Variants in KLF8 observed in about 807,000 individuals in gnomAD.
The protein encoded by KLF8 is Krueppel-like factor 8.
KLF8 carries 10 observed loss-of-function variants against 18.2 expected under a neutral mutation model. That is an observed-to-expected ratio of 0.55 (90% CI 0.34 to 0.93). The LOEUF (loss-of-function observed/expected upper bound fraction) is 0.93, where lower values mean the gene tolerates loss of function less well. Ranked by LOEUF, KLF8 falls within the 40% of genes least tolerant of loss-of-function variation. The probability of loss-of-function intolerance (pLI) is 0.02; values close to 1 mark genes in which losing one functional copy is unlikely to be tolerated. For missense variants in KLF8, 264 were observed against 277.9 expected (o/e 0.95, Z 0.36); for synonymous variants, 109 against 97.3 (o/e 1.12, Z -0.71).
At chrX:55,944,746 G>C in the KLF8 span, among the ~76,000 whole-genome samples, 1 of 110,800 alleles carries the variant, frequency 9.0e-6, no homozygotes, top group South Asian at 3.8e-4. Flanking sequence ...TCTTGCTAGT[G>C]GTCTATCAAT....
intron 1 of KLF8, among the ~76,000 whole-genome samples, chrX:56,243,805 A>ACTGTTATCC: frequency 9.0e-6 from 1 of 110,690 alleles, no homozygotes; most frequent in Admixed American, 9.7e-5. Context: ...AAGTGCTAGG[A>ACTGTTATCC]TAACAGGCAT....
chrX:56,251,076 T>A (rs1348061042), intron 2 of KLF8, among the ~76,000 whole-genome samples: 1 of 112,864 alleles, frequency 8.9e-6, no homozygotes, highest in African/African-American at 3.2e-5. Context: ...ATCTGGGCAC[T>A]GTAGCCCAGC....
the KLF8 span, among the ~76,000 whole-genome samples, chrX:55,968,941 C>G: frequency 9.0e-6 from 1 of 111,640 alleles, no homozygotes; most frequent in Non-Finnish European, 1.9e-5. Flanking sequence ...AACACTGTTG[C>G]AATCAGCTAT....
chrX:56,124,504 A>G, the KLF8 span, among the ~76,000 whole-genome samples: 1 of 112,207 alleles, frequency 8.9e-6, no homozygotes. Flanking sequence ...TCAATTTCTG[A>G]TGCCATATAA....
the KLF8 span, among the ~76,000 whole-genome samples, chrX:56,151,465 G>A: frequency 9.0e-6 from 1 of 111,384 alleles, no homozygotes; most frequent in Non-Finnish European, 1.9e-5. Context: ...GGTATAGAAA[G>A]TAAAACTGAC....
the KLF8 span, among the ~76,000 whole-genome samples, chrX:56,086,890 G>A: frequency 9.0e-6 from 1 of 111,517 alleles, no homozygotes; most frequent in East Asian, 2.8e-4. Context: ...GAGCATTCTA[G>A]AATTCAGTGT....
At chrX:56,128,462 A>G in the KLF8 span, among the ~76,000 whole-genome samples, 2 of 111,718 alleles carry the variant, frequency 1.8e-5, no homozygotes, top group African/African-American at 3.3e-5. Context: ...TGGCAGAAAA[A>G]TCTATTACTT....
At chrX:56,014,684 GCAT>G in the KLF8 span, among the ~76,000 whole-genome samples, 2 of 111,173 alleles carry the variant, frequency 1.8e-5, no homozygotes. Context: ...ACGCATATGT[GCAT>G]TGCAGCACTA....
chrX:56,175,322 A>G, the KLF8 span, among the ~76,000 whole-genome samples: 6 of 112,064 alleles, frequency 5.4e-5, no homozygotes, highest in African/African-American at 1.9e-4. Context: ...GTTTCAAAGA[A>G]CATCTTTATT....
chrX:56,049,896 C>T, the KLF8 span, among the ~76,000 whole-genome samples: 1 of 107,536 alleles, frequency 9.3e-6, no homozygotes, highest in African/African-American at 3.4e-5. Flanking sequence ...CCATCTGGTC[C>T]TGGACTCTTT....
At chrX:56,204,977 T>A in the KLF8 span, among the ~76,000 whole-genome samples, 20 of 111,065 alleles carry the variant, frequency 1.8e-4, no homozygotes, top group African/African-American at 5.9e-4. Context: ...TTTTAGAAGC[T>A]GGGCAGAGAA....
the KLF8 span, among the ~76,000 whole-genome samples, chrX:56,046,132 A>G: frequency 1.8e-5 from 2 of 111,647 alleles, no homozygotes; most frequent in Non-Finnish European, 3.8e-5. Flanking sequence ...ACTTCTGTTT[A>G]TGTGGTGTAT....
At chrX:56,092,457 A>G in the KLF8 span, among the ~76,000 whole-genome samples, 1 of 110,786 alleles carries the variant, frequency 9.0e-6, no homozygotes, top group Non-Finnish European at 1.9e-5. Flanking sequence ...CTTTGGGTTG[A>G]TTTTTGTGTA....
the KLF8 span, among the ~76,000 whole-genome samples, chrX:56,132,375 T>C: frequency 1.8e-5 from 2 of 111,499 alleles, no homozygotes; most frequent in African/African-American, 6.5e-5. Context: ...AATAACCTGC[T>C]CCTGAAAGAT....
the KLF8 span, among the ~76,000 whole-genome samples, chrX:55,928,909 A>G: frequency 8.9e-6 from 1 of 112,086 alleles, no homozygotes; most frequent in Non-Finnish European, 1.9e-5. Context: ...GCTGGGTCTA[A>G]TGGTATTTCT....
At chrX:56,103,884 C>T in the KLF8 span, among the ~76,000 whole-genome samples, 1 of 110,742 alleles carries the variant, frequency 9.0e-6, no homozygotes, top group Admixed American at 9.6e-5. Flanking sequence ...GAGATACGTC[C>T]CATCAATACC....
intron 5 of KLF8, among the ~76,000 whole-genome samples, chrX:56,274,564 G>A (rs2067097576): frequency 9.0e-6 from 1 of 111,546 alleles, no homozygotes; most frequent in South Asian, 3.7e-4. Context: ...ATGCTTGTGG[G>A]GTATTGCTCA....
At chrX:56,178,512 C>G in the KLF8 span, among the ~76,000 whole-genome samples, 5 of 112,207 alleles carry the variant, frequency 4.5e-5, no homozygotes, top group African/African-American at 1.6e-4. Flanking sequence ...TCAATTTTGT[C>G]TTTTGTTGCC....
the KLF8 span, among the ~76,000 whole-genome samples, chrX:56,144,132 AG>A: frequency 8.9e-6 from 1 of 112,131 alleles, no homozygotes; most frequent in African/African-American, 3.2e-5. Flanking sequence ...CCCATACAAA[AG>A]AATGTAGTGT....
Sources: gnomAD v4.1 joint callset for allele counts (sites outside exome capture counted in the v4.1 genomes callset) on GRCh38, gnomAD v4.1.1 for gene constraint, MANE v1.5 for transcripts, NCBI Gene and HGNC (gene_info 2026-07-23, HGNC 2026-07-21) for gene names.